Variants in TFDP2 observed in about 807,000 individuals in gnomAD.
TFDP2 encodes the protein transcription factor Dp-2 (E2F dimerization partner 2).
Under a neutral mutation model 59.3 loss-of-function variants are expected in TFDP2, and 17 were observed. That is an observed-to-expected ratio of 0.29 (90% CI 0.20 to 0.43). The LOEUF (loss-of-function observed/expected upper bound fraction) is 0.43. TFDP2 is among the 20% of genes least tolerant of loss of function. The pLI, the probability that TFDP2 is intolerant of heterozygous loss-of-function variation, is 1.00. For synonymous variants in TFDP2, 180 were observed against 194.7 expected (o/e 0.92, Z 0.63); for missense variants, 391 against 528.8 (o/e 0.74, Z 2.56).
intron 1 of TFDP2, among the ~76,000 whole-genome samples, chr3:142,114,516 T>C (rs1247401390): frequency 6.6e-6 from 1 of 152,170 alleles, no homozygotes; most frequent in African/African-American, 2.4e-5. Context: ...GTACCATATA[T>C]TGAAAATCCC....
At chr3:142,118,119 C>A (rs757521445) in intron 1 of TFDP2, among the ~76,000 whole-genome samples, 18 of 151,988 alleles carry the variant, frequency 1.2e-4, no homozygotes, top group Non-Finnish European at 2.9e-5. Flanking sequence ...AGGCAAGGGG[C>A]TGGGGGGAGG....
intron 3 of TFDP2, among the ~76,000 whole-genome samples, chr3:142,047,943 C>G (rs569367847): frequency 1.3e-5 from 2 of 151,984 alleles, no homozygotes; most frequent in South Asian, 4.2e-4. Flanking sequence ...GGTCTCACCA[C>G]GTTGGCCAGG....
At chr3:142,032,928 G>T (rs1293708104) in intron 3 of TFDP2, among the ~76,000 whole-genome samples, 1 of 152,202 alleles carries the variant, frequency 6.6e-6, no homozygotes, top group Non-Finnish European at 1.5e-5. Context: ...AGGCGCAGTG[G>T]CTTATGCTTG....
intron 4 of TFDP2, 103 bp downstream of exon 4, chr3:142,005,337 CT>C: frequency 1.0e-6 from 1 of 956,874 alleles, no homozygotes; most frequent in African/African-American, 1.7e-5. Context: ...CCTACCGCGC[CT>C]GGTTTAACTG....
Position 141,995,095 on chromosome 3 carries a change from A to G in TFDP2, c.233T>C (p.Ile78Thr), listed in dbSNP as rs779494754. 5.0e-6 allele frequency: 8 copies of G among 1,611,164 alleles called. No individual in the cohort carries two copies. In the African/African-American group the frequency reaches 5.3e-5, roughly 11 times the overall value. Reference protein sequence around the residue: ...QRLTSSGSVLIGSPYTPAPAM... With the variant: ...QRLTSSGSVLTGSPYTPAPAM... ...TGGTGCAGGGGTATATGGACTCCCA[A>G]TCAGAACACTTCCTGAACTGGTTAG... The change falls in exon 5 of 13, where the codon ATT (isoleucine) becomes ACT (threonine). Residue 78 changes from isoleucine to threonine, a missense_variant. Around this residue, in one of 3 missense-constraint regions of TFDP2, gnomAD observed 162 missense variants for 206.8 expected, o/e 0.78. Transcript: ENST00000489671.
At chr3:141,969,167 TATATATATATCTCATATATATGAG>T in intron 9 of TFDP2, among the ~76,000 whole-genome samples, 1 of 48,026 alleles carries the variant, frequency 2.1e-5, no homozygotes, top group Admixed American at 2.2e-4. Context: ...ATATATAACA[TATATATATATCTCATATATATGAG>T]ATATATATAT....
chr3:142,073,183 C>T (rs2060306363), intron 3 of TFDP2, among the ~76,000 whole-genome samples: 1 of 152,146 alleles, frequency 6.6e-6, no homozygotes, highest in Admixed American at 6.5e-5. Flanking sequence ...GATCCTCCCG[C>T]CTCAGCCTCC....
chr3:141,971,060 A>G (rs1490826925), intron 8 of TFDP2, among the ~76,000 whole-genome samples: 3 of 151,104 alleles, frequency 2.0e-5, no homozygotes, highest in African/African-American at 7.4e-5. Flanking sequence ...CCTGTCTCAA[A>G]AAGAAAAAAA....
At chr3:142,038,402 A>T (rs933912789) in intron 3 of TFDP2, among the ~76,000 whole-genome samples, 21 of 151,138 alleles carry the variant, frequency 1.4e-4, no homozygotes, top group South Asian at 1.0e-3. Flanking sequence ...AAAAAAAAAA[A>T]AAAAAGAGAA....
Position 142,144,702 on chromosome 3 carries a change from T to C in TFDP2, c.-93+4481A>G, listed in dbSNP as rs367760701. ...GACTATAGGCACATGCCACCAAGCC[T>C]GACTACTTTTTGTATTTTTAGTAGA... On this transcript the variant is annotated intron_variant, in intron 1 of 12. Coordinates refer to ENST00000489671, the MANE Select transcript of TFDP2 (RefSeq NM_001178139.2). Among the ~76,000 whole-genome samples the C allele has an allele frequency of 3.0e-4, 46 of 152,166 alleles. No homozygotes were observed. In the East Asian group the frequency reaches 7.9e-3, roughly 26 times the overall value.
In TFDP2 at chr3:141,974,611, T is replaced by C. The variant is rs181462290; in HGVS notation, c.520-420A>G. On this transcript the variant is annotated intron_variant, in intron 7 of 12. Coordinates refer to ENST00000489671, the MANE Select transcript of TFDP2 (RefSeq NM_001178139.2). ...AACAATAATAATGCCTTATGGAGTC[T>C]AGAATACAGAACTTAATATACATGA... Among the ~76,000 whole-genome samples the C allele has an allele frequency of 1.4e-4, 21 of 152,304 alleles. No homozygotes were observed. In the East Asian group the frequency reaches 3.9e-3, roughly 28 times the overall value.
At chr3:142,018,420 G>GA (rs774110696) in intron 3 of TFDP2, among the ~76,000 whole-genome samples, 2 of 152,016 alleles carry the variant, frequency 1.3e-5, no homozygotes, top group Non-Finnish European at 2.9e-5. Context: ...AGAAATGCAT[G>GA]AAAGTCTCCA....
intron 7 of TFDP2, among the ~76,000 whole-genome samples, chr3:141,975,898 C>T (rs570578022): frequency 5.9e-5 from 9 of 151,808 alleles, no homozygotes; most frequent in Admixed American, 2.0e-4. Flanking sequence ...ACTATTTTTC[C>T]GAGACAGAGT....
chr3:142,029,168 G>A (rs10935454), intron 3 of TFDP2: 10,599 of 152,630 alleles, frequency 0.069, 470 homozygotes, highest in Non-Finnish European at 0.11. Flanking sequence ...AGGGGGAAAA[G>A]AGGAGGAGAA....
intron 3 of TFDP2, among the ~76,000 whole-genome samples, chr3:142,084,749 T>C (rs1320685359): frequency 6.6e-6 from 1 of 152,084 alleles, no homozygotes; most frequent in Non-Finnish European, 1.5e-5. Flanking sequence ...TGTTCTTACT[T>C]ATTTGTGGGT....
chr3:142,108,935 T>C (rs1477320915), intron 1 of TFDP2, among the ~76,000 whole-genome samples: 1 of 152,184 alleles, frequency 6.6e-6, no homozygotes, highest in African/African-American at 2.4e-5. Context: ...CTTTCTCAAG[T>C]GTCACTTCCT....
chr3:141,993,721 G>T, intron 5 of TFDP2, 136 bp from the exon 6 acceptor site: 2 of 462,090 alleles, frequency 4.3e-6, no homozygotes, highest in Non-Finnish European at 7.7e-6. Context: ...ACAAAAGATA[G>T]GTACATAAAA....
chr3:142,144,926 G>T (rs1252786500), intron 1 of TFDP2, among the ~76,000 whole-genome samples: 1 of 152,178 alleles, frequency 6.6e-6, no homozygotes, highest in East Asian at 1.9e-4. Context: ...AAAAGGACTG[G>T]AAGAAGGAAG....
intron 3 of TFDP2, among the ~76,000 whole-genome samples, chr3:142,032,395 C>T (rs533198750): frequency 2.6e-5 from 4 of 152,060 alleles, no homozygotes; most frequent in East Asian, 3.9e-4. Flanking sequence ...ACGCTTAGCT[C>T]GACTCTTTCA....
Sources: allele counts gnomAD v4.1 joint callset (sites outside exome capture counted in the v4.1 genomes callset), GRCh38; gene constraint gnomAD v4.1.1; regional missense constraint gnomAD v4.1.1; transcripts MANE v1.5; gene names NCBI Gene and HGNC (gene_info 2026-07-23, HGNC 2026-07-21).